The following ZMYND8 variants were observed in gnomAD, a reference collection of about 807,000 sequenced individuals.
The protein encoded by ZMYND8 is MYND-type zinc finger-containing chromatin reader ZMYND8.
Under a neutral mutation model 140.8 loss-of-function variants are expected in ZMYND8, and 37 were observed. The observed-to-expected ratio is 0.26, with a 90% confidence interval of 0.20 to 0.35. ZMYND8 has a LOEUF of 0.35. Ranked by LOEUF, ZMYND8 falls within the 10% of genes least tolerant of loss-of-function variation. The pLI, the probability that ZMYND8 is intolerant of heterozygous loss-of-function variation, is 1.00. For missense variants in ZMYND8, 1,068 were observed against 1,570.0 expected, an observed-to-expected ratio of 0.68 and a Z score of 5.40; for synonymous variants, 592 against 597.1, an observed-to-expected ratio of 0.99 and a Z score of 0.12.
At chr20:47,212,493 G>T (rs766997210) in intron 22 of ZMYND8, 149 bp downstream of exon 22, 4 of 861,984 alleles carry the variant, frequency 4.6e-6, no homozygotes, top group Non-Finnish European at 7.6e-6. Context: ...GCACAGCGAA[G>T]AAGAAACGTT....
intron 3 of ZMYND8, among the ~76,000 whole-genome samples, chr20:47,304,060 A>C (rs916664437): frequency 6.6e-6 from 1 of 152,220 alleles, no homozygotes; most frequent in African/African-American, 2.4e-5. Context: ...ACATTTTAAA[A>C]AGGGAAAGCA....
intron 1 of ZMYND8, chr20:47,352,673 G>A (rs984646756): frequency 2.4e-6 from 1 of 417,110 alleles, no homozygotes; most frequent in African/African-American, 2.2e-5. Context: ...TAGCTCCAGG[G>A]GAGAAAGGAG....
intron 5 of ZMYND8, among the ~76,000 whole-genome samples, chr20:47,292,713 C>T (rs1290857915): frequency 6.6e-6 from 1 of 151,990 alleles, no homozygotes; most frequent in Non-Finnish European, 1.5e-5. Flanking sequence ...CCCTATGGTG[C>T]CTTTGTGCAA....
chr20:47,238,952 G>C lies in ZMYND8; in HGVS notation c.2471C>G (p.Pro824Arg). ...ATGSPVKKQR[P>R]LLPKETAPAV... is the part of the protein sequence containing the mutation. ...CGGGGCAGTCTCCTTCGGTAAAAGC[G>C]GCCTCTGCTTTTTCACTGGGCTTCC... Residue 824 changes from proline (P) to arginine (R), a missense_variant, in exon 15 of 23, where the codon CCG becomes CGG. Transcript: ENST00000471951. 1 of 1,613,104 alleles carries C rather than the reference G, an allele frequency of 6.2e-7. No individual in the cohort carries two copies. The highest frequency in any genetic ancestry group is 8.5e-7 in the Non-Finnish European group (1 of 1,179,072).
chr20:47,315,960 G>A (rs868044156), intron 2 of ZMYND8, among the ~76,000 whole-genome samples: 5 of 152,122 alleles, frequency 3.3e-5, no homozygotes, highest in Admixed American at 1.3e-4. Flanking sequence ...GGCATGGAGC[G>A]GAAAGCAGCA....
intron 21 of ZMYND8, among the ~76,000 whole-genome samples, chr20:47,214,911 C>T (rs956378478): frequency 6.0e-4 from 91 of 152,260 alleles, no homozygotes; most frequent in African/African-American, 2.1e-3. Flanking sequence ...CCAATCTGGT[C>T]GTCTTTTAAG....
At chr20:47,279,817 C>T (rs1441499096) in intron 10 of ZMYND8, among the ~76,000 whole-genome samples, 1 of 150,458 alleles carries the variant, frequency 6.6e-6, no homozygotes, top group Non-Finnish European at 1.5e-5. Context: ...TTTTACATAA[C>T]TGTGCATCTA....
chr20:47,282,723 C>CAAA (rs10665029), intron 9 of ZMYND8, among the ~76,000 whole-genome samples: 166 of 118,794 alleles, frequency 1.4e-3, no homozygotes, highest in South Asian at 0.012. Context: ...AACTCCATCT[C>CAAA]AAAAAAAAAA....
At chr20:47,319,026 C>T (rs2079672002) in intron 2 of ZMYND8, 1 of 1,351,022 alleles carries the variant, frequency 7.4e-7, no homozygotes, top group Admixed American at 1.9e-5. Context: ...TCACCCACAG[C>T]AGACATTCCT....
chr20:47,266,390 C>T (rs1231110945), intron 11 of ZMYND8, among the ~76,000 whole-genome samples: 2 of 152,144 alleles, frequency 1.3e-5, no homozygotes, highest in African/African-American at 4.8e-5. Flanking sequence ...AGCGGATTCT[C>T]CTGCCTCAGC....
intron 2 of ZMYND8, among the ~76,000 whole-genome samples, chr20:47,311,660 A>C (rs1360062126): frequency 6.6e-6 from 1 of 152,190 alleles, no homozygotes; most frequent in Non-Finnish European, 1.5e-5. Context: ...GGAGGTCATG[A>C]GATCAAGACC....
chr20:47,322,438 C>CTTTTTTTTTTTTTTTTTTTTTT (rs1166725847), intron 2 of ZMYND8, among the ~76,000 whole-genome samples: 1 of 120,770 alleles, frequency 8.3e-6, no homozygotes. Flanking sequence ...GATGGCATTT[C>CTTTTTTTTTTTTTTTTTTTTTT]TTTTTTTTTT....
At chr20:47,317,265 T>C (rs2079478075) in intron 2 of ZMYND8, among the ~76,000 whole-genome samples, 1 of 152,142 alleles carries the variant, frequency 6.6e-6, no homozygotes, top group Admixed American at 6.6e-5. Context: ...AGAAAGCACA[T>C]TCACCTCCCA....
chr20:47,256,039 C>T (rs1380000899), intron 12 of ZMYND8, among the ~76,000 whole-genome samples: 1 of 150,084 alleles, frequency 6.7e-6, no homozygotes, highest in East Asian at 2.0e-4. Context: ...TACCATTGCA[C>T]TCCAGCCTGG....
chr20:47,322,723 G>A (rs2080079507), intron 2 of ZMYND8, among the ~76,000 whole-genome samples: 1 of 152,042 alleles, frequency 6.6e-6, no homozygotes, highest in Non-Finnish European at 1.5e-5. Flanking sequence ...TGGTATTTCT[G>A]TACCCATTTT....
chr20:47,248,133 A>T (rs974959999), intron 13 of ZMYND8, among the ~76,000 whole-genome samples: 1 of 152,218 alleles, frequency 6.6e-6, no homozygotes, highest in African/African-American at 2.4e-5. Flanking sequence ...ACCCTGAACA[A>T]GTTATTTATC....
At chr20:47,313,205 A>C (rs1190882421) in intron 2 of ZMYND8, among the ~76,000 whole-genome samples, 1 of 149,722 alleles carries the variant, frequency 6.7e-6, no homozygotes, top group Non-Finnish European at 1.5e-5. Context: ...CTGGGTGAAA[A>C]GGAGAGACAC....
At position 47,238,835 on chromosome 20, in the gene ZMYND8, TGCTGCTGCTGAC is replaced by T; in HGVS notation, c.2576_2587del (p.Arg859_Gln862del). On this transcript the variant is annotated inframe_deletion, in exon 15 of 23. Transcript: ENST00000471951. ...CTGCTGCTGGTTTTGCTGCTGCTGC[TGCTGCTGCTGAC>T]GCTGCATCTTCTGCATGTGCCACTT... is the stretch of plus-strand genomic sequence containing the variant. The T allele has an allele frequency of 6.2e-7, 1 of 1,613,288 alleles. No homozygotes were observed. Among genetic ancestry groups the T allele is most frequent in the Non-Finnish European group, 8.5e-7 (1 of 1,180,034 alleles).
At chr20:47,213,990 G>A (rs6090641) in intron 21 of ZMYND8, among the ~76,000 whole-genome samples, 3,999 of 152,182 alleles carry the variant, frequency 0.026, 204 homozygotes, top group African/African-American at 0.09. Context: ...AGCTTAAAAC[G>A]AAAAGATGAA....
Sources: gnomAD v4.1 joint callset for allele counts (sites outside exome capture counted in the v4.1 genomes callset) on GRCh38, gnomAD v4.1.1 for gene constraint, MANE v1.5 for transcripts, NCBI Gene and HGNC (gene_info 2026-07-23, HGNC 2026-07-21) for gene names.